Variants in PCDH9 observed in about 807,000 individuals in gnomAD.
PCDH9 encodes protocadherin 9.
A neutral mutation model predicts 70.6 loss-of-function variants in PCDH9; 24 were observed. The ratio of observed to expected loss-of-function variants is 0.34; its 90% CI spans 0.25 to 0.48. The LOEUF is 0.48. PCDH9 is among the 20% of genes least tolerant of loss of function. PCDH9 has a pLI of 0.99. For synonymous variants in PCDH9, 562 were observed against 558.5 expected (o/e 1.01, Z -0.09); for missense variants, 1,281 against 1,503.6 (o/e 0.85, Z 2.45).
At chr13:66,772,912 G>GA (rs11332199) in intron 3 of PCDH9, among the ~76,000 whole-genome samples, 65 of 142,110 alleles carry the variant, frequency 4.6e-4, no homozygotes, top group South Asian at 1.3e-3. Context: ...AAGTAAACCA[G>GA]AAAAAAAAAA....
chr13:67,021,988 T>C (rs1410828288), intron 2 of PCDH9, among the ~76,000 whole-genome samples: 3 of 151,708 alleles, frequency 2.0e-5, no homozygotes, highest in African/African-American at 7.3e-5. Flanking sequence ...AAGTGGAAAA[T>C]TAGAAAAAAT....
chr13:66,608,136 AAC>A (rs2077244341), intron 4 of PCDH9, among the ~76,000 whole-genome samples: 2 of 151,546 alleles, frequency 1.3e-5, no homozygotes, highest in South Asian at 4.2e-4. Flanking sequence ...TGTCTTTTAA[AAC>A]ACAAGAGAGA....
chr13:66,593,777 A>G (rs1370192748), intron 4 of PCDH9, among the ~76,000 whole-genome samples: 3 of 151,598 alleles, frequency 2.0e-5, no homozygotes, highest in Admixed American at 1.3e-4. Context: ...AGAATAAATA[A>G]TTTTTCAAAG....
intron 2 of PCDH9, among the ~76,000 whole-genome samples, chr13:67,179,423 A>G (rs1263225295): frequency 6.6e-6 from 1 of 152,106 alleles, no homozygotes; most frequent in Non-Finnish European, 1.5e-5. Context: ...ATCCATAGCA[A>G]TGTATTCACA....
At chr13:66,957,081 T>C (rs1264289676) in intron 2 of PCDH9, among the ~76,000 whole-genome samples, 2 of 152,232 alleles carry the variant, frequency 1.3e-5, no homozygotes, top group Non-Finnish European at 2.9e-5. Context: ...TGTAGTTAGA[T>C]ACAGCATAGA....
intron 3 of PCDH9, among the ~76,000 whole-genome samples, chr13:66,863,522 T>TG (rs1483699508): frequency 2.0e-5 from 3 of 152,222 alleles, no homozygotes; most frequent in Non-Finnish European, 2.9e-5. Context: ...AGTCTCACTC[T>TG]GTCGCCCACC....
At chr13:66,676,870 A>G (rs936137410) in intron 3 of PCDH9, among the ~76,000 whole-genome samples, 5 of 152,170 alleles carry the variant, frequency 3.3e-5, no homozygotes, top group Non-Finnish European at 1.5e-5. Context: ...AATTTTCTGT[A>G]AAATATATAT....
chr13:66,647,657 T>C (rs911522898), intron 3 of PCDH9, among the ~76,000 whole-genome samples: 1 of 152,110 alleles, frequency 6.6e-6, no homozygotes, highest in Admixed American at 6.6e-5. Flanking sequence ...AAAATCTTTC[T>C]GCTTGAGAAG....
At chr13:66,755,392 T>C (rs2079524546) in intron 3 of PCDH9, among the ~76,000 whole-genome samples, 1 of 152,146 alleles carries the variant, frequency 6.6e-6, no homozygotes, top group East Asian at 1.9e-4. Context: ...TGACATATCA[T>C]AGGTGTCCAG....
chr13:66,779,887 G>GTGTGTT (rs2079969589), intron 3 of PCDH9, among the ~76,000 whole-genome samples: 1 of 144,844 alleles, frequency 6.9e-6, no homozygotes, highest in East Asian at 2.0e-4. Flanking sequence ...GTGTGTGTGT[G>GTGTGTT]TGTGTGTGTG....
chr13:67,230,062 T>C lies in PCDH9; in HGVS notation c.-418A>G, dbSNP rs1443593942. On this transcript the variant is annotated 5_prime_UTR_variant, in exon 1 of 5. Transcript: ENST00000377865. ...TAGCACACACAACACATAGTTGCACTTCTTCAGCTCAGGGATATTTTCCAC... is the reference window on the plus strand; with the variant it reads ...TAGCACACACAACACATAGTTGCACCTCTTCAGCTCAGGGATATTTTCCAC... 6.6e-6 allele frequency: 1 copy of C among 152,314 alleles called. No individual in the cohort carries two copies. Among genetic ancestry groups the C allele is most frequent in the Non-Finnish European group, 1.5e-5 (1 of 68,106 alleles). 9.4% of individuals were successfully genotyped at this position (152,314 alleles called of 1,614,324 possible). A position where few individuals can be genotyped will look rare whatever the true frequency, so the allele number is the denominator to read the frequency against.
At chr13:66,351,821 CT>C (rs957400423) in intron 4 of PCDH9, among the ~76,000 whole-genome samples, 206 of 144,840 alleles carry the variant, frequency 1.4e-3, no homozygotes, top group East Asian at 2.5e-3. Flanking sequence ...TTACACATTC[CT>C]TTTTTTTTTC....
intron 4 of PCDH9, among the ~76,000 whole-genome samples, chr13:66,625,997 A>G (rs1356762157): frequency 6.6e-6 from 1 of 152,204 alleles, no homozygotes; most frequent in East Asian, 1.9e-4. Flanking sequence ...TGATTAGATG[A>G]GGATGAGATA....
chr13:67,137,081 C>A (rs1383096922), intron 2 of PCDH9, among the ~76,000 whole-genome samples: 1 of 151,716 alleles, frequency 6.6e-6, no homozygotes, highest in Admixed American at 6.6e-5. Context: ...ATGTAGCAAA[C>A]CTGCACATTG....
At chr13:66,587,803 AAAAAG>A (rs1398729918) in intron 4 of PCDH9, among the ~76,000 whole-genome samples, 7 of 152,212 alleles carry the variant, frequency 4.6e-5, no homozygotes, top group Non-Finnish European at 7.4e-5. Flanking sequence ...TAAAAAAAAA[AAAAAG>A]AAAGTTTTGG....
At position 66,532,538 on chromosome 13, in the gene PCDH9, A is replaced by AT. The variant is rs775672924; in HGVS notation, c.3340+98671dup. On this transcript the variant is annotated intron_variant, in intron 4 of 4. Coordinates refer to ENST00000377865, the MANE Select transcript of PCDH9 (RefSeq NM_203487.3). ...TATTGTCAAAATACATATTTGATTA[A>AT]TTTTTTTTGTTTTGCTTTGTTTTGT... 9.9e-5 allele frequency among the ~76,000 whole-genome samples: 15 copies of AT among 152,010 alleles called. No homozygotes were observed. In the East Asian group the frequency reaches 1.6e-3, roughly 16 times the overall value.
chr13:67,143,733 C>T (rs777234506), intron 2 of PCDH9, among the ~76,000 whole-genome samples: 1 of 152,096 alleles, frequency 6.6e-6, no homozygotes, highest in Non-Finnish European at 1.5e-5. Context: ...AACAATAGAC[C>T]AGACCCTGAG....
At position 66,425,559 on chromosome 13, in the gene PCDH9, G is replaced by GA. The variant is rs543657712; in HGVS notation, c.3341-120532dup. Among the ~76,000 whole-genome samples, 860 of 137,442 alleles carry GA rather than the reference G, an allele frequency of 6.3e-3. 5 individuals carry two copies. The highest frequency in any genetic ancestry group is 7.5e-3 in the Middle Eastern group (2 of 266). The allele number at this position is 137,442 out of a possible 152,430, so 90.2% of individuals were successfully genotyped here. ...AGAAGTTATCCTACTTTCAGAAAAC[G>GA]AAAAAAAAAAAAATACCTTTGACTG... is the stretch of plus-strand genomic sequence containing the variant. On this transcript the variant is annotated intron_variant, in intron 4 of 4. Coordinates refer to ENST00000377865, the MANE Select transcript of PCDH9 (RefSeq NM_203487.3).
chr13:66,350,709 C>T (rs1016727282), intron 4 of PCDH9, among the ~76,000 whole-genome samples: 7 of 152,202 alleles, frequency 4.6e-5, no homozygotes, highest in Non-Finnish European at 7.3e-5. Context: ...CACTTCTCAT[C>T]ACTTCCACTC....
Sources: gnomAD v4.1 joint callset for allele counts (sites outside exome capture counted in the v4.1 genomes callset) on GRCh38, gnomAD v4.1.1 for gene constraint, MANE v1.5 for transcripts, NCBI Gene and HGNC (gene_info 2026-07-23, HGNC 2026-07-21) for gene names.